ZNF609: variants seen among roughly 807,000 people sequenced by gnomAD.
The protein encoded by ZNF609 is zinc finger protein 609.
In ZNF609, 11 loss-of-function variants were observed where a neutral mutation model predicts 109.5. That is an observed-to-expected ratio of 0.10 (90% CI 0.06 to 0.17). The LOEUF is 0.17. Among genes scored for constraint, ZNF609 ranks in the 10% least tolerant of loss-of-function variants. The pLI, the probability that ZNF609 is intolerant of heterozygous loss-of-function variation, is 1.00. For synonymous variants in ZNF609, 646 were observed against 662.0 expected (o/e 0.98, Z 0.37); for missense variants, 1,559 against 1,772.4 (o/e 0.88, Z 2.16).
intron 3 of ZNF609, among the ~76,000 whole-genome samples, chr15:64,650,572 T>C (rs1896402265): frequency 6.6e-6 from 1 of 152,148 alleles, no homozygotes; most frequent in Non-Finnish European, 1.5e-5. Context: ...GAAGAAGGTA[T>C]GGAAAATCTG....
chr15:64,544,491 G>A (rs1894324529), intron 2 of ZNF609, among the ~76,000 whole-genome samples: 1 of 152,214 alleles, frequency 6.6e-6, no homozygotes, highest in Admixed American at 6.5e-5. Flanking sequence ...GCAGATTTAT[G>A]CAGAATGTGA....
intron 3 of ZNF609, 26 bp downstream of exon 3, chr15:64,623,078 T>A (rs1316770063): frequency 6.2e-7 from 1 of 1,606,454 alleles, no homozygotes; most frequent in Non-Finnish European, 8.5e-7. Context: ...GGCTTTCCCC[T>A]CCCTTCTCAA....
At chr15:64,632,885 A>G (rs1297449366) in intron 3 of ZNF609, among the ~76,000 whole-genome samples, 1 of 150,182 alleles carries the variant, frequency 6.7e-6, no homozygotes, top group African/African-American at 2.5e-5. Flanking sequence ...TGATCCTCCC[A>G]GTTCAGTCTC....
chr15:64,563,198 C>A (rs1381152775), intron 2 of ZNF609, among the ~76,000 whole-genome samples: 1 of 151,462 alleles, frequency 6.6e-6, no homozygotes, highest in Non-Finnish European at 1.5e-5. Flanking sequence ...ACCTGTAATC[C>A]CAGCACTTTG....
intron 1 of ZNF609, among the ~76,000 whole-genome samples, chr15:64,468,505 GC>G (rs1893046416): frequency 6.6e-6 from 1 of 151,872 alleles, no homozygotes; most frequent in Non-Finnish European, 1.5e-5. Context: ...TCCCACCTTG[GC>G]CTCCCAAAGT....
chr15:64,635,173 T>C (rs966857865), intron 3 of ZNF609, among the ~76,000 whole-genome samples: 1 of 152,190 alleles, frequency 6.6e-6, no homozygotes. Context: ...GCAGTATATA[T>C]AGGTGACTAG....
intron 3 of ZNF609, among the ~76,000 whole-genome samples, chr15:64,668,248 G>A (rs1356864943): frequency 6.6e-6 from 1 of 152,182 alleles, no homozygotes; most frequent in East Asian, 1.9e-4. Flanking sequence ...AGAGAAGATG[G>A]AGTAGACAGA....
chr15:64,681,470 A>G, intron 9 of ZNF609, 83 bp downstream of exon 9: 2 of 1,175,926 alleles, frequency 1.7e-6, no homozygotes, highest in Non-Finnish European at 2.5e-6. Context: ...GGTGAGAAAT[A>G]GCTATGAGGG....
chr15:64,514,027 G>A (rs930463914), intron 2 of ZNF609, among the ~76,000 whole-genome samples: 14 of 151,632 alleles, frequency 9.2e-5, no homozygotes, highest in African/African-American at 2.7e-4. Flanking sequence ...GGGAGGTCGA[G>A]GCTGCAGTGA....
intron 2 of ZNF609, among the ~76,000 whole-genome samples, chr15:64,527,751 G>A (rs1893988150): frequency 6.6e-6 from 1 of 152,096 alleles, no homozygotes; most frequent in Admixed American, 6.6e-5. Flanking sequence ...AGTCATCTTT[G>A]ATGCCTTTCC....
chr15:64,615,360 C>T (rs749395547), intron 2 of ZNF609, among the ~76,000 whole-genome samples: 5 of 150,700 alleles, frequency 3.3e-5, no homozygotes, highest in Non-Finnish European at 7.4e-5. Flanking sequence ...CCAGGCTGGT[C>T]TGAAACTCCT....
At chr15:64,510,420 G>A (rs1236666570) in intron 2 of ZNF609, among the ~76,000 whole-genome samples, 2 of 151,790 alleles carry the variant, frequency 1.3e-5, no homozygotes, top group East Asian at 3.9e-4. Context: ...GTCCAGGCTG[G>A]TCTGAAACTC....
chr15:64,685,381 A>G lies in ZNF609; in HGVS notation c.*3695A>G, dbSNP rs1048413081. ...CCTGATCTTCCTGGCCCTGCTCCAT[A>G]TGCATCCTCAGCTTCACTTTCCCTG... On this transcript the variant is annotated 3_prime_UTR_variant, in exon 10 of 10. Transcript: ENST00000326648. The G allele has an allele frequency of 2.6e-5, 4 of 152,430 alleles. No individual in the cohort carries two copies. The highest frequency in any genetic ancestry group is 7.3e-5 in the African/African-American group (3 of 41,282). The allele number at this position is 152,430 out of a possible 1,614,324, so 9.4% of individuals were successfully genotyped here.
intron 3 of ZNF609, among the ~76,000 whole-genome samples, chr15:64,636,698 G>T (rs948268448): frequency 2.0e-5 from 3 of 152,156 alleles, no homozygotes; most frequent in Non-Finnish European, 4.4e-5. Flanking sequence ...GATGAAGAAA[G>T]CGAAACCCTC....
At chr15:64,596,723 G>A (rs565034651) in intron 2 of ZNF609, among the ~76,000 whole-genome samples, 79 of 152,232 alleles carry the variant, frequency 5.2e-4, no homozygotes, top group Non-Finnish European at 1.0e-3. Flanking sequence ...TATACTCAGT[G>A]TGTATAGCAT....
intron 2 of ZNF609, among the ~76,000 whole-genome samples, chr15:64,530,720 G>A: frequency 6.6e-6 from 1 of 152,182 alleles, no homozygotes; most frequent in East Asian, 1.9e-4. Flanking sequence ...AATGGGATTT[G>A]AGTAACTGCC....
At chr15:64,623,566 T>G (rs142910613) in intron 3 of ZNF609, among the ~76,000 whole-genome samples, 8 of 152,210 alleles carry the variant, frequency 5.3e-5, no homozygotes, top group Non-Finnish European at 1.5e-5. Flanking sequence ...CACCGCTTCA[T>G]GTATCTGTCA....
intron 2 of ZNF609, among the ~76,000 whole-genome samples, chr15:64,600,138 C>G (rs1393566094): frequency 6.6e-6 from 1 of 152,108 alleles, no homozygotes; most frequent in African/African-American, 2.4e-5. Flanking sequence ...GCCAACACAG[C>G]GAAACCCCAT....
intron 1 of ZNF609, among the ~76,000 whole-genome samples, chr15:64,478,739 C>T (rs1022338312): frequency 1.2e-4 from 18 of 152,256 alleles, no homozygotes; most frequent in African/African-American, 4.3e-4. Context: ...TACTTTTAAG[C>T]AGACAGAGTT....
Sources: allele counts gnomAD v4.1 joint callset (sites outside exome capture counted in the v4.1 genomes callset), GRCh38; gene constraint gnomAD v4.1.1; transcripts MANE v1.5; gene names NCBI Gene and HGNC (gene_info 2026-07-23, HGNC 2026-07-21).